The following GPC5 variants were observed in gnomAD, a reference collection of about 807,000 sequenced individuals.
GPC5 encodes glypican-5.
Under a neutral mutation model 53.9 loss-of-function variants are expected in GPC5, and 47 were observed. That is an observed-to-expected ratio of 0.87 (90% CI 0.69 to 1.11). The LOEUF (loss-of-function observed/expected upper bound fraction) is 1.11. Ranked by LOEUF, GPC5 falls within the 50% of genes most tolerant of loss-of-function variation. GPC5 has a pLI of 0.00. For synonymous variants in GPC5, 286 were observed against 263.3 expected, an observed-to-expected ratio of 1.09 and a Z score of -0.84; for missense variants, 748 against 713.1, an observed-to-expected ratio of 1.05 and a Z score of -0.56.
chr13:92,077,309 T>C (rs2138874673), intron 6 of GPC5, among the ~76,000 whole-genome samples: 1 of 152,328 alleles, frequency 6.6e-6, no homozygotes, highest in Admixed American at 6.5e-5. Flanking sequence ...GTTTGACTCT[T>C]CATCAACACC....
Position 92,322,636 on chromosome 13 carries a change from A to C in GPC5, c.1561+177647A>C, listed in dbSNP as rs137960663. ...AGTAGGCATTCAATAAATACTTATAAATTTATTAACATTTTAATGTGTATG... is the reference window on the plus strand; with the variant it reads ...AGTAGGCATTCAATAAATACTTATACATTTATTAACATTTTAATGTGTATG... On this transcript the variant is annotated intron_variant, in intron 7 of 7. Coordinates refer to ENST00000377067, the MANE Select transcript of GPC5 (RefSeq NM_004466.6). Among the ~76,000 whole-genome samples, 222 of 152,280 alleles carry C rather than the reference A, an allele frequency of 1.5e-3. 3 individuals carry two copies. Among genetic ancestry groups the C allele is most frequent in the East Asian group, 3.7e-3 (19 of 5,180 alleles).
intron 7 of GPC5, among the ~76,000 whole-genome samples, chr13:92,602,502 G>T (rs902832009): frequency 6.6e-6 from 1 of 151,706 alleles, no homozygotes; most frequent in South Asian, 2.1e-4. Flanking sequence ...CTCCAAATCT[G>T]CATGATCACT....
chr13:92,628,260 C>CTTTTTTTTTTT (rs1286424637), intron 7 of GPC5, among the ~76,000 whole-genome samples: 5 of 37,564 alleles, frequency 1.3e-4, no homozygotes, highest in African/African-American at 4.1e-4. Flanking sequence ...TTTTCTTTTT[C>CTTTTTTTTTTT]TTTCTTTTTT....
At chr13:92,517,542 G>A (rs1203403428) in intron 7 of GPC5, among the ~76,000 whole-genome samples, 3 of 152,188 alleles carry the variant, frequency 2.0e-5, no homozygotes, top group East Asian at 3.9e-4. Context: ...CTGTTCTGCA[G>A]CCTCTGCTGC....
At chr13:91,726,715 C>T (rs563230494) in intron 3 of GPC5, among the ~76,000 whole-genome samples, 7 of 152,250 alleles carry the variant, frequency 4.6e-5, no homozygotes, top group East Asian at 1.9e-4. Flanking sequence ...CCCTCCTGTG[C>T]GTCTCTGAAA....
At chr13:91,773,375 G>A (rs2037658857) in intron 5 of GPC5, among the ~76,000 whole-genome samples, 1 of 151,978 alleles carries the variant, frequency 6.6e-6, no homozygotes, top group African/African-American at 2.4e-5. Flanking sequence ...TTTAAATACT[G>A]ATGATAATAG....
At chr13:91,410,830 A>C (rs190443198) in intron 1 of GPC5, among the ~76,000 whole-genome samples, 315 of 152,314 alleles carry the variant, frequency 2.1e-3, no homozygotes, top group Non-Finnish European at 3.4e-3. Context: ...GACAAGGTTT[A>C]AGAACTAAAG....
At chr13:92,430,094 C>G (rs979723785) in intron 7 of GPC5, among the ~76,000 whole-genome samples, 1 of 150,344 alleles carries the variant, frequency 6.7e-6, no homozygotes, top group East Asian at 2.0e-4. Context: ...ATAGATACAA[C>G]TTTTAGTCAA....
chr13:92,743,380 T>G (rs1178420167), intron 7 of GPC5, among the ~76,000 whole-genome samples: 1 of 151,616 alleles, frequency 6.6e-6, no homozygotes, highest in African/African-American at 2.4e-5. Context: ...GATTTGGCTC[T>G]CTGTTTGTCT....
At chr13:91,619,192 G>T (rs551122477) in intron 2 of GPC5, among the ~76,000 whole-genome samples, 6 of 151,964 alleles carry the variant, frequency 3.9e-5, no homozygotes, top group Non-Finnish European at 7.4e-5. Context: ...TGAAAGAACA[G>T]CTGTTAAACA....
chr13:92,419,895 C>T (rs775279956), intron 7 of GPC5, among the ~76,000 whole-genome samples: 8 of 152,144 alleles, frequency 5.3e-5, no homozygotes, highest in Middle Eastern at 6.3e-3. Context: ...GCATTTCGCA[C>T]CTGAGGTCTT....
chr13:92,645,010 TGTA>T (rs1210142199), intron 7 of GPC5, among the ~76,000 whole-genome samples: 1 of 152,206 alleles, frequency 6.6e-6, no homozygotes, highest in African/African-American at 2.4e-5. Context: ...TCAACTTTAT[TGTA>T]GTAGAATTTC....
At chr13:92,337,234 C>G (rs1406887906) in intron 7 of GPC5, among the ~76,000 whole-genome samples, 1 of 148,774 alleles carries the variant, frequency 6.7e-6, no homozygotes, top group African/African-American at 2.5e-5. Flanking sequence ...ACACATTGAA[C>G]AAAATATCTT....
chr13:92,723,468 G>A (rs964289849), intron 7 of GPC5, among the ~76,000 whole-genome samples: 1 of 143,406 alleles, frequency 7.0e-6, no homozygotes, highest in African/African-American at 2.6e-5. Context: ...AAATGGCCAT[G>A]TTTGACTTTA....
At chr13:91,708,040 A>AT (rs1012406942) in intron 3 of GPC5, among the ~76,000 whole-genome samples, 4 of 152,198 alleles carry the variant, frequency 2.6e-5, no homozygotes, top group African/African-American at 9.6e-5. Context: ...ACTTAGGCAT[A>AT]TTAAAATTTT....
At chr13:92,435,889 A>G (rs1035897533) in intron 7 of GPC5, among the ~76,000 whole-genome samples, 10 of 152,202 alleles carry the variant, frequency 6.6e-5, no homozygotes, top group Non-Finnish European at 1.2e-4. Context: ...ATTCAACTCA[A>G]AACAACTTCG....
chr13:92,549,764 C>G (rs936896448), intron 7 of GPC5, among the ~76,000 whole-genome samples: 1 of 151,746 alleles, frequency 6.6e-6, no homozygotes. Flanking sequence ...AAACAGTTTG[C>G]CTTTTTCTCA....
At chr13:92,126,737 AAAAACTCATT>A (rs2041700485) in intron 6 of GPC5, among the ~76,000 whole-genome samples, 1 of 152,202 alleles carries the variant, frequency 6.6e-6, no homozygotes, top group East Asian at 1.9e-4. Context: ...GTAGAGAGAA[AAAAACTCATT>A]AAAACATGTA....
intron 2 of GPC5, among the ~76,000 whole-genome samples, chr13:91,452,176 G>A (rs1294450908): frequency 6.6e-6 from 1 of 151,836 alleles, no homozygotes; most frequent in Admixed American, 6.6e-5. Context: ...TAGAGATAGG[G>A]TTTTGCCCTG....
Sources: gnomAD v4.1 joint callset for allele counts (sites outside exome capture counted in the v4.1 genomes callset) on GRCh38, gnomAD v4.1.1 for gene constraint, MANE v1.5 for transcripts, NCBI Gene and HGNC (gene_info 2026-07-23, HGNC 2026-07-21) for gene names.